The following CR1L variants were observed in gnomAD, a reference collection of about 807,000 sequenced individuals.
CR1L encodes the protein complement C3b/C4b receptor 1 like, also known as complement component receptor 1-like protein.
A neutral mutation model predicts 62.3 loss-of-function variants in CR1L; 59 were observed. That is an observed-to-expected ratio of 0.95 (90% CI 0.77 to 1.18). The LOEUF (loss-of-function observed/expected upper bound fraction) is 1.18, where lower values mean the gene tolerates loss of function less well. Ranked by LOEUF, CR1L falls within the 50% of genes most tolerant of loss-of-function variation. CR1L has a pLI of 0.00. For missense variants in CR1L, 700 were observed against 702.8 expected (o/e 1.00, Z 0.04); for synonymous variants, 279 against 248.7 (o/e 1.12, Z -1.15).
At chr1:207,698,584 C>A (rs1435220686) in intron 7 of CR1L, among the ~76,000 whole-genome samples, 1 of 152,160 alleles carries the variant, frequency 6.6e-6, no homozygotes, top group African/African-American at 2.4e-5. Context: ...AAAGCCAGCA[C>A]CCAGTAAGAG....
chr1:207,678,399 C>A, intron 3 of CR1L, 102 bp downstream of exon 3: 1 of 1,038,030 alleles, frequency 9.6e-7, no homozygotes, highest in Non-Finnish European at 1.4e-6. Flanking sequence ...AAACTATTAC[C>A]ATCTGCTCTT....
chr1:207,702,393 G>A (rs1215728415), intron 9 of CR1L, among the ~76,000 whole-genome samples: 1 of 152,076 alleles, frequency 6.6e-6, no homozygotes, highest in Non-Finnish European at 1.5e-5. Context: ...ACTAAAATGA[G>A]GCCAATTAAT....
chr1:207,718,172 G>A (rs889674476), intron 11 of CR1L, among the ~76,000 whole-genome samples: 6 of 152,172 alleles, frequency 3.9e-5, no homozygotes, highest in African/African-American at 7.2e-5. Flanking sequence ...GTTTCCAAGG[G>A]TTTGTTCAAG....
chr1:207,697,133 C>T (rs545815815), intron 5 of CR1L, among the ~76,000 whole-genome samples: 6 of 152,276 alleles, frequency 3.9e-5, no homozygotes, highest in African/African-American at 1.4e-4. Flanking sequence ...ATTGGTGATG[C>T]CTTTCTAGAA....
chr1:207,673,346 C>T (rs1156353023), intron 1 of CR1L, among the ~76,000 whole-genome samples: 1 of 152,048 alleles, frequency 6.6e-6, no homozygotes, highest in Non-Finnish European at 1.5e-5. Flanking sequence ...TAATTTATTA[C>T]TTTATATTTT....
At chr1:207,715,140 T>C (rs1571537741) in intron 10 of CR1L, among the ~76,000 whole-genome samples, 1 of 152,214 alleles carries the variant, frequency 6.6e-6, no homozygotes, top group Non-Finnish European at 1.5e-5. Context: ...TGTCAGCTAC[T>C]GAAGAATTCA....
intron 10 of CR1L, chr1:207,710,243 T>G: frequency 1.7e-6 from 1 of 587,284 alleles, no homozygotes; most frequent in Non-Finnish European, 3.1e-6. Flanking sequence ...ACTCGGGAGG[T>G]TGAGGGGGGA....
intron 1 of CR1L, among the ~76,000 whole-genome samples, chr1:207,670,546 T>C (rs931634894): frequency 2.6e-5 from 4 of 151,004 alleles, no homozygotes; most frequent in Non-Finnish European, 5.9e-5. Flanking sequence ...ACATCTCACT[T>C]GAAGTGACAG....
At chr1:207,677,897 G>A (rs191530755) in intron 2 of CR1L, among the ~76,000 whole-genome samples, 8 of 152,306 alleles carry the variant, frequency 5.3e-5, no homozygotes, top group African/African-American at 1.2e-4. Context: ...TAAAAGATGC[G>A]ACAATCTTGG....
chr1:207,678,598 C>A (rs1201270363), intron 3 of CR1L, among the ~76,000 whole-genome samples: 2 of 152,160 alleles, frequency 1.3e-5, no homozygotes, highest in African/African-American at 4.8e-5. Flanking sequence ...AGCCTTAACA[C>A]AGATTAGACA....
Position 207,705,765 on chromosome 1 carries a change from C to G in CR1L, c.1329-2413C>G, listed in dbSNP as rs114316653. ...AGGCAGAAAACCATTGAGCTTATGA[C>G]AAAAAACAGGAAATACATGTAAAAG... On this transcript the variant is annotated intron_variant, in intron 9 of 11. Transcript: ENST00000508064. 7.8e-3 allele frequency among the ~76,000 whole-genome samples: 1,188 copies of G among 151,646 alleles called. 22 individuals are homozygous for G. Among genetic ancestry groups the G allele is most frequent in the African/African-American group, 0.028 (1,151 of 41,348 alleles).
intron 1 of CR1L, chr1:207,659,064 CA>C (rs1196900041): frequency 1.3e-5 from 2 of 152,844 alleles, no homozygotes; most frequent in Non-Finnish European, 2.9e-5. Flanking sequence ...GCCGCCGCCC[CA>C]CCTCCCAGCT....
chr1:207,685,772 T>G (rs1455435671), intron 4 of CR1L, among the ~76,000 whole-genome samples: 2 of 152,094 alleles, frequency 1.3e-5, no homozygotes, highest in African/African-American at 4.8e-5. Flanking sequence ...GTCTGTCTTC[T>G]GAACCCTCCA....
At chr1:207,662,636 T>C (rs1475924497) in intron 1 of CR1L, among the ~76,000 whole-genome samples, 1 of 152,228 alleles carries the variant, frequency 6.6e-6, no homozygotes, top group African/African-American at 2.4e-5. Context: ...TGAAGCCTTC[T>C]TCTCTCAACT....
rs763559579 is a variant in CR1L at position 207,694,686 on chromosome 1, G to A, written c.797G>A (p.Gly266Glu). 5 of 1,611,876 alleles carry A rather than the reference G, an allele frequency of 3.1e-6. No individual in the cohort carries two copies. The highest frequency in any genetic ancestry group is 2.5e-6 in the Non-Finnish European group (3 of 1,179,720). Residue 266 changes from glycine to glutamate, a missense_variant, in exon 5 of 12, where the codon GGG becomes GAG. Coordinates refer to ENST00000508064, the MANE Select transcript of CR1L (RefSeq NM_175710.2). ...TGTCAGCCTGGCTTTGGCATGAAAG[G>A]GCCCTCCCATGTGAAGTGCCAGGCC... ...FRCQPGFGMK[G>E]PSHVKCQALN...
chr1:207,710,912 A>G, intron 10 of CR1L: 1 of 978,606 alleles, frequency 1.0e-6, no homozygotes, highest in Non-Finnish European at 1.5e-6. Flanking sequence ...TTGGGGGAAG[A>G]AGCATGAAAT....
chr1:207,655,304 A>G, intron 1 of CR1L: 1 of 501,344 alleles, frequency 2.0e-6, no homozygotes, highest in Non-Finnish European at 3.6e-6. Flanking sequence ...TTTTTTTTTT[A>G]ATTCAGACCA....
chr1:207,688,431 C>T (rs1663945839), intron 4 of CR1L, among the ~76,000 whole-genome samples: 1 of 151,552 alleles, frequency 6.6e-6, no homozygotes, highest in Non-Finnish European at 1.5e-5. Flanking sequence ...TTTTGCCATA[C>T]TATAATGGCA....
intron 8 of CR1L, among the ~76,000 whole-genome samples, chr1:207,701,154 G>A (rs1664184864): frequency 6.6e-6 from 1 of 152,176 alleles, no homozygotes; most frequent in African/African-American, 2.4e-5. Context: ...CTCTATATCA[G>A]GAAATAAAGA....
Sources: allele counts gnomAD v4.1 joint callset (sites outside exome capture counted in the v4.1 genomes callset), GRCh38; gene constraint gnomAD v4.1.1; transcripts MANE v1.5; gene names NCBI Gene and HGNC (gene_info 2026-07-23, HGNC 2026-07-21).